EMSY: variants seen among roughly 807,000 people sequenced by gnomAD.
EMSY encodes EMSY transcriptional repressor, BRCA2 interacting, also known as BRCA2-interacting transcriptional repressor EMSY.
EMSY carries 26 observed loss-of-function variants against 134.6 expected under a neutral mutation model. The observed-to-expected ratio is 0.19, with a 90% CI of 0.14 to 0.27. EMSY has a LOEUF of 0.27. Among genes scored for constraint, EMSY ranks in the 10% least tolerant of loss-of-function variants. The pLI is 1.00. For missense variants in EMSY, 1,305 were observed against 1,611.4 expected, an observed-to-expected ratio of 0.81 and a Z score of 3.26; for synonymous variants, 579 against 577.8, an observed-to-expected ratio of 1.00 and a Z score of -0.03.
chr11:76,507,287 G>C (rs1046989285), intron 9 of EMSY, among the ~76,000 whole-genome samples: 1 of 152,156 alleles, frequency 6.6e-6, no homozygotes, highest in Non-Finnish European at 1.5e-5. Flanking sequence ...TGAAGGTTGG[G>C]GTGGTTACAG....
chr11:76,500,246 CTTAATG>C (rs1328903302), intron 9 of EMSY, among the ~76,000 whole-genome samples: 2 of 152,068 alleles, frequency 1.3e-5, no homozygotes, highest in African/African-American at 2.4e-5. Flanking sequence ...CTTAATGTTA[CTTAATG>C]TTAATATAAT....
At chr11:76,509,966 G>C (rs573402857) in intron 9 of EMSY, among the ~76,000 whole-genome samples, 2 of 152,298 alleles carry the variant, frequency 1.3e-5, no homozygotes, top group East Asian at 3.9e-4. Flanking sequence ...TTCTGAGATG[G>C]GAGAATTGCT....
At chr11:76,542,488 T>C (rs1951476617) in intron 18 of EMSY, 121 bp downstream of exon 19, 1 of 1,264,558 alleles carries the variant, frequency 7.9e-7, no homozygotes, top group African/African-American at 1.5e-5. Flanking sequence ...TGTAATTCTT[T>C]TCTAAGAAAT....
chr11:76,522,572 G>A (rs1325700611), intron 11 of EMSY, among the ~76,000 whole-genome samples: 2 of 151,824 alleles, frequency 1.3e-5, no homozygotes, highest in Non-Finnish European at 2.9e-5. Context: ...CTTTCACCAG[G>A]CTGATCTTGA....
intron 9 of EMSY, among the ~76,000 whole-genome samples, chr11:76,503,858 C>A (rs1309461065): frequency 6.6e-6 from 1 of 152,108 alleles, no homozygotes; most frequent in Admixed American, 6.5e-5. Flanking sequence ...GGTCTTGGCT[C>A]ACTGCAACTT....
At chr11:76,523,704 C>CTTTTTTTTTTGTT (rs1950732194) in intron 12 of EMSY, among the ~76,000 whole-genome samples, 1 of 80,536 alleles carries the variant, frequency 1.2e-5, no homozygotes, top group African/African-American at 5.2e-5. Flanking sequence ...TTGTTACTTT[C>CTTTTTTTTTTGTT]TTTTTTTTTT....
intron 15 of EMSY, 50 bp from the exon 17 acceptor site, chr11:76,537,745 G>T: frequency 6.7e-7 from 1 of 1,493,994 alleles, no homozygotes; most frequent in Non-Finnish European, 9.1e-7. Context: ...CTCTGGTTTT[G>T]GTACTTGTTT....
intron 14 of EMSY, 26 bp from the exon 16 acceptor site, chr11:76,535,869 G>GT (rs750118973): frequency 7.9e-4 from 1,053 of 1,326,524 alleles, no homozygotes; most frequent in South Asian, 2.6e-3. Flanking sequence ...TATAGGGTTT[G>GT]TTTTTTTTTA....
At chr11:76,545,650 C>T (rs1951618203) in intron 19 of EMSY, 147 bp from the exon 21 acceptor site, 1 of 1,009,790 alleles carries the variant, frequency 9.9e-7, no homozygotes, top group African/African-American at 1.6e-5. Context: ...TCCTTCCTAT[C>T]CAGCCCTCTT....
intron 8 of EMSY, among the ~76,000 whole-genome samples, chr11:76,487,780 G>A (rs1187936955): frequency 6.6e-6 from 1 of 152,220 alleles, no homozygotes; most frequent in African/African-American, 2.4e-5. Flanking sequence ...TCACATCCCC[G>A]AGGTACCTCG....
chr11:76,472,790 C>T (rs765439410), exon 8 of EMSY: 1 of 1,614,206 alleles, frequency 6.2e-7, no homozygotes, highest in Non-Finnish European at 8.5e-7. Flanking sequence ...GTTGCAGTAA[C>T]AGCTGTGGTG....
At chr11:76,546,035 C>T in exon 20 of EMSY, 2 of 1,614,166 alleles carry the variant, frequency 1.2e-6, no homozygotes, top group Non-Finnish European at 1.7e-6. Context: ...GTGGATCCCC[C>T]AAAGAAGGCT....
At chr11:76,456,050 A>C (rs1245595993) in intron 4 of EMSY, among the ~76,000 whole-genome samples, 1 of 152,154 alleles carries the variant, frequency 6.6e-6, no homozygotes, top group East Asian at 1.9e-4. Context: ...CAGAAAAGGG[A>C]CTGGAGCAAG....
chr11:76,549,921 C>G (rs772986497), intron 20 of EMSY, 31 bp from the exon 22 acceptor site: 4 of 1,493,554 alleles, frequency 2.7e-6, no homozygotes. Context: ...CTTTTCTTAC[C>G]ATAAAGATTC....
At chr11:76,496,760 T>G in intron 9 of EMSY, 1 of 405,040 alleles carries the variant, frequency 2.5e-6, no homozygotes, top group Non-Finnish European at 4.6e-6. Flanking sequence ...TTGACCTTGC[T>G]GAACTCACTT....
At chr11:76,483,688 A>T (rs1949069249) in intron 8 of EMSY, among the ~76,000 whole-genome samples, 1 of 152,242 alleles carries the variant, frequency 6.6e-6, no homozygotes, top group Non-Finnish European at 1.5e-5. Flanking sequence ...CAATGCAACA[A>T]GAAGAGCTAA....
chr11:76,447,263 T>C (rs1168528552), intron 2 of EMSY, among the ~76,000 whole-genome samples: 1 of 152,240 alleles, frequency 6.6e-6, no homozygotes, highest in Non-Finnish European at 1.5e-5. Flanking sequence ...GTCTTTTTTA[T>C]ACAACATCTA....
intron 6 of EMSY, among the ~76,000 whole-genome samples, chr11:76,461,875 T>C (rs1194650450): frequency 6.6e-6 from 1 of 151,916 alleles, no homozygotes; most frequent in Non-Finnish European, 1.5e-5. Context: ...GAGGTTGCAG[T>C]GAGCTGAGAT....
In EMSY at chr11:76,460,086, G is replaced by C; in HGVS notation, c.571+1G>C. 6.2e-7 allele frequency: 1 copy of C among 1,614,154 alleles called. No homozygotes were observed. Among genetic ancestry groups the C allele is most frequent in the Non-Finnish European group, 8.5e-7 (1 of 1,179,994 alleles). On this transcript the variant is annotated splice_donor_variant, in intron 6 of 20. Transcript: ENST00000334736. LOFTEE classifies it high-confidence loss of function. Reference sequence around the variant, plus strand: ...AGTGGAAGTACTGTTTATGTCAAAAGTAAGTGATATTCTCAGTGTTATCAG... The same window carrying C: ...AGTGGAAGTACTGTTTATGTCAAAACTAAGTGATATTCTCAGTGTTATCAG...
Sources: gnomAD v4.1 joint callset for allele counts (sites outside exome capture counted in the v4.1 genomes callset) on GRCh38, gnomAD v4.1.1 for gene constraint, MANE v1.5 for transcripts, NCBI Gene and HGNC (gene_info 2026-07-23, HGNC 2026-07-21) for gene names.